KCNH7: variants seen among roughly 807,000 people sequenced by gnomAD.
The protein encoded by KCNH7 is potassium voltage-gated channel subfamily H member 7, also known as voltage-gated inwardly rectifying potassium channel KCNH7.
A neutral mutation model predicts 120.8 loss-of-function variants in KCNH7; 49 were observed. The observed-to-expected ratio is 0.41, with a 90% CI of 0.32 to 0.51. The LOEUF (loss-of-function observed/expected upper bound fraction) is 0.51, where lower values mean the gene tolerates loss of function less well. KCNH7 is among the 20% of genes least tolerant of loss of function. The pLI, the probability that KCNH7 is intolerant of heterozygous loss-of-function variation, is 0.38. For synonymous variants in KCNH7, 547 were observed against 516.1 expected (o/e 1.06, Z -0.81); for missense variants, 1,097 against 1,446.6 (o/e 0.76, Z 3.92).
intron 2 of KCNH7, among the ~76,000 whole-genome samples, chr2:162,572,074 C>T (rs1033000139): frequency 6.6e-5 from 10 of 151,924 alleles, no homozygotes; most frequent in Non-Finnish European, 2.9e-5. Context: ...AGAGCTTCTG[C>T]ACAGCAAAAG....
intron 9 of KCNH7, among the ~76,000 whole-genome samples, chr2:162,405,558 C>A (rs1322623735): frequency 6.6e-6 from 1 of 151,888 alleles, no homozygotes; most frequent in East Asian, 1.9e-4. Flanking sequence ...TATGTGCTGA[C>A]ATGCACTTAA....
chr2:162,530,727 T>A (rs778992339), intron 3 of KCNH7, among the ~76,000 whole-genome samples: 2 of 151,810 alleles, frequency 1.3e-5, no homozygotes, highest in African/African-American at 2.4e-5. Context: ...TTATTCTTTA[T>A]TTTTTTTAAG....
chr2:162,453,156 C>T (rs963204780), intron 6 of KCNH7, among the ~76,000 whole-genome samples: 66 of 152,058 alleles, frequency 4.3e-4, no homozygotes, highest in African/African-American at 1.5e-3. Context: ...TTGTTCCCCT[C>T]CCTGTGTCCA....
chr2:162,668,698 AG>A (rs1346084010), intron 2 of KCNH7, among the ~76,000 whole-genome samples: 1 of 152,138 alleles, frequency 6.6e-6, no homozygotes, highest in Non-Finnish European at 1.5e-5. Context: ...AACACACACA[AG>A]AATAAGGTAT....
At chr2:162,614,296 G>T (rs886514685) in intron 2 of KCNH7, among the ~76,000 whole-genome samples, 1 of 151,968 alleles carries the variant, frequency 6.6e-6, no homozygotes, top group African/African-American at 2.4e-5. Context: ...CTTGGTGGTT[G>T]TACTTACTTC....
intron 2 of KCNH7, among the ~76,000 whole-genome samples, chr2:162,551,913 A>G (rs1413594246): frequency 6.6e-6 from 1 of 152,228 alleles, no homozygotes; most frequent in Non-Finnish European, 1.5e-5. Flanking sequence ...TCTAAAGCCC[A>G]TTGAGAATAA....
chr2:162,670,470 C>CAAAAAAAAAA (rs61610131), intron 2 of KCNH7, among the ~76,000 whole-genome samples: 14 of 48,192 alleles, frequency 2.9e-4, no homozygotes, highest in Non-Finnish European at 4.3e-4. Context: ...CGAACTCTGT[C>CAAAAAAAAAA]AAAAAAAAAA....
chr2:162,724,398 C>T (rs993875873), intron 2 of KCNH7, among the ~76,000 whole-genome samples: 37 of 152,062 alleles, frequency 2.4e-4, no homozygotes, highest in African/African-American at 6.5e-4. Flanking sequence ...GTAGGCCGGG[C>T]GCGGTGGCTC....
chr2:162,741,163 C>G (rs1688112373), intron 2 of KCNH7, among the ~76,000 whole-genome samples: 2 of 151,122 alleles, frequency 1.3e-5, no homozygotes, highest in African/African-American at 2.4e-5. Context: ...TAGTGATATG[C>G]TAGCATTATA....
At chr2:162,394,869 C>T (rs1222524195) in intron 11 of KCNH7, among the ~76,000 whole-genome samples, 1 of 151,780 alleles carries the variant, frequency 6.6e-6, no homozygotes, top group Admixed American at 6.6e-5. Flanking sequence ...TGCAGGTTCA[C>T]TTATACATGA....
chr2:162,585,279 G>A (rs1693990128), intron 2 of KCNH7, among the ~76,000 whole-genome samples: 1 of 151,966 alleles, frequency 6.6e-6, no homozygotes, highest in Admixed American at 6.6e-5. Flanking sequence ...CATTTTTTGT[G>A]TGCTTAGATC....
intron 12 of KCNH7, among the ~76,000 whole-genome samples, chr2:162,386,542 T>C (rs1455179970): frequency 6.6e-6 from 1 of 151,876 alleles, no homozygotes; most frequent in Non-Finnish European, 1.5e-5. Context: ...AACCTTCTTG[T>C]GATCTGTCAC....
chr2:162,492,978 T>C (rs965269465), intron 6 of KCNH7, among the ~76,000 whole-genome samples: 2 of 146,770 alleles, frequency 1.4e-5, no homozygotes, highest in Admixed American at 1.4e-4. Context: ...GGCCCTAAGA[T>C]AACTTCTGAT....
intron 2 of KCNH7, among the ~76,000 whole-genome samples, chr2:162,609,062 C>G (rs1682874240): frequency 6.6e-6 from 1 of 152,156 alleles, no homozygotes; most frequent in Non-Finnish European, 1.5e-5. Flanking sequence ...CCCCCCAACA[C>G]ACACACACTC....
chr2:162,669,513 C>T (rs1355657913), intron 2 of KCNH7, among the ~76,000 whole-genome samples: 2 of 152,130 alleles, frequency 1.3e-5, no homozygotes, highest in African/African-American at 2.4e-5. Context: ...TTCTATTTTG[C>T]TATTGCTCTC....
intron 2 of KCNH7, among the ~76,000 whole-genome samples, chr2:162,581,272 G>A (rs1423442234): frequency 6.6e-6 from 1 of 152,038 alleles, no homozygotes; most frequent in Non-Finnish European, 1.5e-5. Context: ...AACTAGCATT[G>A]CATACTGCAC....
chr2:162,776,496 G>T (rs1683244633), intron 2 of KCNH7, among the ~76,000 whole-genome samples: 1 of 152,070 alleles, frequency 6.6e-6, no homozygotes, highest in Non-Finnish European at 1.5e-5. Flanking sequence ...AAAAAGAGAG[G>T]AGAAAGATGC....
intron 2 of KCNH7, among the ~76,000 whole-genome samples, chr2:162,806,436 C>A (rs1228050299): frequency 6.6e-6 from 1 of 151,982 alleles, no homozygotes; most frequent in East Asian, 1.9e-4. Flanking sequence ...ATAGTAAATG[C>A]CTTTGAATGA....
At chr2:162,397,207 A>G (rs1222938046) in intron 10 of KCNH7, among the ~76,000 whole-genome samples, 3 of 151,748 alleles carry the variant, frequency 2.0e-5, no homozygotes, top group Admixed American at 1.3e-4. Context: ...TCAGTCCTGT[A>G]TACCCCACTT....
Sources: allele counts gnomAD v4.1 joint callset (sites outside exome capture counted in the v4.1 genomes callset), GRCh38; gene constraint gnomAD v4.1.1; transcripts MANE v1.5; gene names NCBI Gene and HGNC (gene_info 2026-07-23, HGNC 2026-07-21).